STAT5A: variants seen among roughly 807,000 people sequenced by gnomAD.
STAT5A encodes the protein signal transducer and activator of transcription 5A, also known as epididymis secretory sperm binding protein.
Under a neutral mutation model 100.2 loss-of-function variants are expected in STAT5A, and 26 were observed. That is an observed-to-expected ratio of 0.26 (90% confidence interval 0.19 to 0.36). The LOEUF (loss-of-function observed/expected upper bound fraction) is 0.36, where lower values mean the gene tolerates loss of function less well. Among genes scored for constraint, STAT5A ranks in the 10% least tolerant of loss-of-function variants. The probability of loss-of-function intolerance (pLI) is 1.00; values close to 1 mark genes in which losing one functional copy is unlikely to be tolerated. For missense variants in STAT5A, 634 were observed against 1,027.5 expected (o/e 0.62, Z 5.24); for synonymous variants, 330 against 424.3 (o/e 0.78, Z 2.73).
chr17:42,296,923 G>T (rs989555650), intron 5 of STAT5A, among the ~76,000 whole-genome samples: 2 of 152,030 alleles, frequency 1.3e-5, no homozygotes, highest in Non-Finnish European at 2.9e-5. Flanking sequence ...GTAAATACTT[G>T]CAGGATAATT....
chr17:42,309,039 C>T lies in STAT5A; in HGVS notation c.2063-8C>T, dbSNP rs1216930360. 1.4e-5 allele frequency: 23 copies of T among 1,614,102 alleles called. No individual in the cohort carries two copies. Among genetic ancestry groups the T allele is most frequent in the East Asian group, 1.1e-4 (5 of 44,900 alleles). On this transcript the variant is annotated splice_region_variant and splice_polypyrimidine_tract_variant and intron_variant, in intron 16 of 18. Coordinates refer to ENST00000590949, the MANE Select transcript of STAT5A (RefSeq NM_001288718.2). ...CTTTGGTTCTCACCACTGTTCTTCCCTTGACAGCTAAAGCTGTTGATGGAT... is the reference window on the plus strand; with the variant it reads ...CTTTGGTTCTCACCACTGTTCTTCCTTTGACAGCTAAAGCTGTTGATGGAT...
chr17:42,291,986 C>T lies in STAT5A; in HGVS notation c.300C>T (p.Arg100=). 6.2e-7 allele frequency: 1 copy of T among 1,613,946 alleles called. No homozygotes were observed. Among genetic ancestry groups the T allele is most frequent in the Non-Finnish European group, 8.5e-7 (1 of 1,179,908 alleles). ...YATQLQKTYD[R]CPLELVRCIR... ...GATTCTTTCAGAAAACATATGACCG[C>T]TGCCCCCTGGAGCTGGTCCGCTGCA... Residue 100 remains arginine (R), a synonymous_variant, in exon 4 of 19, where the codon CGC becomes CGT. Coordinates refer to ENST00000590949, the MANE Select transcript of STAT5A (RefSeq NM_001288718.2).
At chr17:42,310,355 A>T in intron 18 of STAT5A, 152 bp from the exon 19 acceptor site, 1 of 736,026 alleles carries the variant, frequency 1.4e-6, no homozygotes, top group Non-Finnish European at 2.2e-6. Context: ...GCTGACTGCT[A>T]CCCAGCTTGG....
rs1322673546 is a variant in STAT5A at position 42,311,309 on chromosome 17, G to T, written c.*640G>T. 2 of 153,420 alleles carry T rather than the reference G, an allele frequency of 1.3e-5. No homozygotes were observed. Among genetic ancestry groups the T allele is most frequent in the African/African-American group, 4.8e-5 (2 of 41,430 alleles). 9.5% of individuals were successfully genotyped at this position (153,420 alleles called of 1,614,324 possible). On this transcript the variant is annotated 3_prime_UTR_variant, in exon 19 of 19. Coordinates refer to ENST00000590949, the MANE Select transcript of STAT5A (RefSeq NM_001288718.2). ...CCGGCCATGTCCTTAGCACAGGGGG[G>T]CCGCCGGTTTGAGTGAGGGTTTCTG... is the stretch of plus-strand genomic sequence containing the variant.
Position 42,305,719 on chromosome 17 carries a change from G to A in STAT5A, c.1473+17G>A, listed in dbSNP as rs779078436. 5 of 1,613,156 alleles carry A rather than the reference G, an allele frequency of 3.1e-6. No homozygotes were observed. In the African/African-American group the frequency reaches 4.0e-5, roughly 13 times the overall value. On this transcript the variant is annotated intron_variant, in intron 12 of 18. Coordinates refer to ENST00000590949, the MANE Select transcript of STAT5A (RefSeq NM_001288718.2). Reference sequence around the variant, plus strand: ...GCTGAGCCGGTGAGTCCCCGTGGGAGCCCTACCCCAGCACCCCCAGGCCCT... The same window carrying A: ...GCTGAGCCGGTGAGTCCCCGTGGGAACCCTACCCCAGCACCCCCAGGCCCT...
intron 9 of STAT5A, among the ~76,000 whole-genome samples, chr17:42,301,682 G>C (rs569685033): frequency 6.6e-6 from 1 of 152,320 alleles, no homozygotes; most frequent in East Asian, 1.9e-4. Context: ...CCCTGGGGAT[G>C]GTGTGGCTGC....
rs768191125 is a variant in STAT5A, at chr17:42,291,922, C to T, written c.286-50C>T. Reference sequence around the variant, plus strand: ...AGGGCTGGGCATAGCATGGGGCTGGCATGGCTGGAGCAGAGGATGGCGCTG... The same window carrying T: ...AGGGCTGGGCATAGCATGGGGCTGGTATGGCTGGAGCAGAGGATGGCGCTG... On this transcript the variant is annotated intron_variant, in intron 3 of 18. Coordinates refer to ENST00000590949, the MANE Select transcript of STAT5A (RefSeq NM_001288718.2). The T allele has an allele frequency of 2.3e-5, 37 of 1,598,218 alleles. No individual in the cohort carries two copies. In the South Asian group the frequency reaches 3.9e-4, roughly 17 times the overall value.
chr17:42,298,836 C>T (rs2080946434), intron 5 of STAT5A, among the ~76,000 whole-genome samples: 1 of 152,186 alleles, frequency 6.6e-6, no homozygotes, highest in Admixed American at 6.5e-5. Flanking sequence ...TATTCCCTGT[C>T]CCGCCATCAA....
intron 2 of STAT5A, among the ~76,000 whole-genome samples, 154 bp from the exon 3 acceptor site, chr17:42,289,712 A>G (rs2080851492): frequency 6.6e-6 from 1 of 152,190 alleles, no homozygotes; most frequent in African/African-American, 2.4e-5. Flanking sequence ...GAATGTTTTT[A>G]GACTCGGATG....
At chr17:42,291,746 G>A (rs1022968746) in intron 3 of STAT5A, among the ~76,000 whole-genome samples, 1 of 151,780 alleles carries the variant, frequency 6.6e-6, no homozygotes. Flanking sequence ...AAGAGAAAGT[G>A]CCTCATAAAC....
chr17:42,304,395 C>T lies in STAT5A; in HGVS notation c.1223C>T (p.Ala408Val). Residue 408 changes from alanine (A) to valine (V), a missense_variant, in exon 10 of 19, where the codon GCC becomes GTC. Physicochemically the swap from Ala to Val is moderately conservative, Grantham distance 64. Transcript: ENST00000590949. The surrounding 1 kb of genome is among the most constrained non-coding windows in gnomAD (Gnocchi z 4.8). Reference sequence around the variant, plus strand: ...TGCTGCGTGATGGAGTACCACCAAGCCACGGGCACCCTCAGTGCCCACTTC... The same window carrying T: ...TGCTGCGTGATGGAGTACCACCAAGTCACGGGCACCCTCAGTGCCCACTTC... Reference protein sequence around the residue: ...NNCCVMEYHQATGTLSAHFRN... With the variant: ...NNCCVMEYHQVTGTLSAHFRN... 1 of 1,614,240 alleles carries T rather than the reference C, an allele frequency of 6.2e-7. No individual in the cohort carries two copies. Among genetic ancestry groups the T allele is most frequent in the Non-Finnish European group, 8.5e-7 (1 of 1,180,034 alleles).
chr17:42,304,411 T>G lies in STAT5A; in HGVS notation c.1239T>G (p.Ser413Arg). 6.2e-7 allele frequency: 1 copy of G among 1,614,228 alleles called. No homozygotes were observed. The highest frequency in any genetic ancestry group is 8.5e-7 in the Non-Finnish European group (1 of 1,180,032). Reference protein sequence around the residue: ...MEYHQATGTLSAHFRNMSLKR... With the variant: ...MEYHQATGTLRAHFRNMSLKR... Reference sequence around the variant, plus strand: ...ACCACCAAGCCACGGGCACCCTCAGTGCCCACTTCAGGAACATGGTGAGGA... The same window carrying G: ...ACCACCAAGCCACGGGCACCCTCAGGGCCCACTTCAGGAACATGGTGAGGA... Residue 413 changes from serine (S) to arginine (R), a missense_variant, in exon 10 of 19, where the codon AGT becomes AGG. By Grantham distance (110) the Ser-to-Arg change is moderately radical. Coordinates refer to ENST00000590949, the MANE Select transcript of STAT5A (RefSeq NM_001288718.2). This position sits in a 1 kb window ranked among gnomAD's most constrained non-coding sequence, Gnocchi z 4.8.
chr17:42,292,119 C>G, intron 4 of STAT5A, 58 bp downstream of exon 4: 2 of 1,583,720 alleles, frequency 1.3e-6, no homozygotes, highest in South Asian at 2.2e-5. Flanking sequence ...ATGCCTTTCT[C>G]TCCAGAAACA....
At chr17:42,305,226 T>C (rs2081016815) in intron 11 of STAT5A, among the ~76,000 whole-genome samples, 1 of 151,390 alleles carries the variant, frequency 6.6e-6, no homozygotes, top group Non-Finnish European at 1.5e-5. Flanking sequence ...ATTGCGGCCA[T>C]GGGTGGTGGG....
At chr17:42,307,525 G>T (rs770055041) in intron 14 of STAT5A, 29 bp downstream of exon 14, 23 of 1,613,992 alleles carry the variant, frequency 1.4e-5, no homozygotes, top group Middle Eastern at 1.6e-4. Flanking sequence ...AGGGTCAGGG[G>T]CCAGCTGTGG....
intron 5 of STAT5A, among the ~76,000 whole-genome samples, chr17:42,299,119 G>C (rs117292219): frequency 6.6e-6 from 1 of 152,058 alleles, no homozygotes; most frequent in African/African-American, 2.4e-5. Context: ...CGGGGCTGGG[G>C]TTCCCTGAAG....
In STAT5A at chr17:42,299,358, A is replaced by G. The variant is rs572073108; in HGVS notation, c.551-393A>G. ...ACGTGGGGAAGCTGAGGCACAGGAA[A>G]GGAAAGCGATTTGCCCAGGTTCACC... On this transcript the variant is annotated intron_variant, in intron 5 of 18. Coordinates refer to ENST00000590949, the MANE Select transcript of STAT5A (RefSeq NM_001288718.2). Among the ~76,000 whole-genome samples the G allele has an allele frequency of 1.3e-4, 20 of 152,322 alleles. No individual in the cohort carries two copies. In the East Asian group the frequency reaches 2.3e-3, roughly 18 times the overall value.
rs762031216 is a variant in STAT5A, at chr17:42,308,726, AG to A, written c.2063-320del. 12 of 498,306 alleles carry A rather than the reference AG, an allele frequency of 2.4e-5. No homozygotes were observed. Among genetic ancestry groups the A allele is most frequent in the Non-Finnish European group, 4.4e-5 (12 of 275,842 alleles). The allele number at this position is 498,306 out of a possible 1,614,324, so 30.9% of individuals were successfully genotyped here. A position where few individuals can be genotyped will look rare whatever the true frequency, so the allele number is the denominator to read the frequency against. ...TGGAGTGCAGGCAGCAAAAGGGAGA[AG>A]TCTCTCTTCTTCCAGCTGCCCCAAA... On this transcript the variant is annotated intron_variant, in intron 16 of 18. Coordinates refer to ENST00000590949, the MANE Select transcript of STAT5A (RefSeq NM_001288718.2). This position sits in a 1 kb window ranked among gnomAD's most constrained non-coding sequence, Gnocchi z 4.6.
intron 4 of STAT5A, among the ~76,000 whole-genome samples, chr17:42,292,924 G>T (rs2080885112): frequency 6.6e-6 from 1 of 152,094 alleles, no homozygotes; most frequent in African/African-American, 2.4e-5. Flanking sequence ...CACCGTGCCC[G>T]GCCTGTTCCT....
Sources: gnomAD v4.1 joint callset for allele counts (sites outside exome capture counted in the v4.1 genomes callset) on GRCh38, gnomAD v4.1.1 for gene constraint, Gnocchi (gnomAD v3.1) non-coding constraint, MANE v1.5 for transcripts, NCBI Gene and HGNC (gene_info 2026-07-23, HGNC 2026-07-21) for gene names.